ACTL6A: variants seen among roughly 807,000 people sequenced by gnomAD.
ACTL6A encodes actin like 6A.
ACTL6A carries 5 observed loss-of-function variants against 59.2 expected under a neutral mutation model. The ratio of observed to expected loss-of-function variants is 0.08; its 90% confidence interval spans 0.04 to 0.18. The LOEUF (loss-of-function observed/expected upper bound fraction) is 0.18, where lower values mean the gene tolerates loss of function less well. ACTL6A is among the 10% of genes least tolerant of loss of function. The pLI is 1.00. For missense variants in ACTL6A, 285 were observed against 526.9 expected (o/e 0.54, Z 4.49); for synonymous variants, 154 against 171.8 (o/e 0.90, Z 0.81).
rs918130227 is a variant in ACTL6A at position 179,562,945 on chromosome 3, G to C, written c.-148G>C. The C allele has an allele frequency of 3.0e-6, 3 of 984,162 alleles. No homozygotes were observed. In the African/African-American group the frequency reaches 4.8e-5, roughly 16 times the overall value. The allele number at this position is 984,162 out of a possible 1,614,324, so 61.0% of individuals were successfully genotyped here. On this transcript the variant is annotated 5_prime_UTR_variant, in exon 1 of 14. Transcript: ENST00000429709. Reference sequence around the variant, plus strand: ...GCCAGCAAGTGTGGCTGAGCTCCGGGGTGTGTGGACGCCGCTTTGTTGCCT... The same window carrying C: ...GCCAGCAAGTGTGGCTGAGCTCCGGCGTGTGTGGACGCCGCTTTGTTGCCT...
At position 179,586,309 on chromosome 3, in the gene ACTL6A, G is replaced by A. The variant is rs543717542; in HGVS notation, c.1123-237G>A. Among the ~76,000 whole-genome samples, 71 of 151,994 alleles carry A rather than the reference G, an allele frequency of 4.7e-4. 1 individual carries two copies. The South Asian group carries it at 0.014, about 30-fold the overall frequency. On this transcript the variant is annotated intron_variant, in intron 12 of 13. Coordinates refer to ENST00000429709, the MANE Select transcript of ACTL6A (RefSeq NM_004301.5). Reference sequence around the variant, plus strand: ...TTAATCAGTGTTTGAACCACAGGGAGCCATTATGAAGTCTGTCAAAATTGA... The same window carrying A: ...TTAATCAGTGTTTGAACCACAGGGAACCATTATGAAGTCTGTCAAAATTGA...
chr3:179,577,335 G>C (rs1718197670), intron 8 of ACTL6A, among the ~76,000 whole-genome samples: 1 of 152,118 alleles, frequency 6.6e-6, no homozygotes, highest in South Asian at 2.1e-4. Flanking sequence ...GCATCAGTCA[G>C]CAATATCAAA....
At chr3:179,580,803 T>G in intron 9 of ACTL6A, 91 bp from the exon 10 acceptor site, 1 of 1,422,706 alleles carries the variant, frequency 7.0e-7, no homozygotes, top group Non-Finnish European at 9.6e-7. Context: ...TCCCTTTTTT[T>G]TTTTTACAAG....
chr3:179,573,305 T>C, intron 3 of ACTL6A, 64 bp from the exon 4 acceptor site: 2 of 1,115,950 alleles, frequency 1.8e-6, no homozygotes, highest in Non-Finnish European at 2.6e-6. Context: ...AAACAATTTC[T>C]CAAAAGATGC....
intron 1 of ACTL6A, 103 bp from the exon 2 acceptor site, chr3:179,569,721 C>A: frequency 1.1e-6 from 1 of 943,514 alleles, no homozygotes; most frequent in South Asian, 1.4e-5. Flanking sequence ...AAGACTGAGG[C>A]GGGAGGATTG....
At chr3:179,580,605 C>G (rs780371389) in intron 8 of ACTL6A, 35 bp from the exon 9 acceptor site, 6 of 1,451,954 alleles carry the variant, frequency 4.1e-6, no homozygotes, top group South Asian at 2.5e-5. Context: ...AGATAAATCT[C>G]AACCTTGTTT....
At chr3:179,573,510 T>A in intron 4 of ACTL6A, 41 bp downstream of exon 4, 1 of 1,333,996 alleles carries the variant, frequency 7.5e-7, no homozygotes, top group Non-Finnish European at 9.8e-7. Context: ...TCTAGTTGTT[T>A]TTTTTTTTTC....
chr3:179,576,968 TA>T, intron 8 of ACTL6A, 55 bp downstream of exon 8: 3 of 1,435,272 alleles, frequency 2.1e-6, no homozygotes, highest in African/African-American at 1.4e-5. Context: ...GCATGAGTAT[TA>T]AAAAAAGTTA....
intron 11 of ACTL6A, 38 bp from the exon 12 acceptor site, chr3:179,583,313 CAT>C (rs762307822): frequency 6.7e-7 from 1 of 1,486,658 alleles, no homozygotes; most frequent in Non-Finnish European, 9.3e-7. Context: ...CTTTTGGAAA[CAT>C]ATGGAACTAA....
chr3:179,566,799 C>T (rs961351635), intron 1 of ACTL6A, among the ~76,000 whole-genome samples: 1 of 152,160 alleles, frequency 6.6e-6, no homozygotes, highest in African/African-American at 2.4e-5. Flanking sequence ...AAGCAATTCT[C>T]CTGCCTCGGC....
At chr3:179,571,722 T>C (rs749555349) in intron 3 of ACTL6A, among the ~76,000 whole-genome samples, 1 of 152,198 alleles carries the variant, frequency 6.6e-6, no homozygotes, top group Non-Finnish European at 1.5e-5. Context: ...ACTCTGAGGC[T>C]CAGTACCCAA....
intron 12 of ACTL6A, chr3:179,584,544 C>G (rs1718426498): frequency 6.6e-6 from 1 of 152,098 alleles, no homozygotes; most frequent in Non-Finnish European, 1.5e-5. Context: ...TTGCTTGAAC[C>G]CGGGAGGTGG....
intron 13 of ACTL6A, among the ~76,000 whole-genome samples, chr3:179,587,361 A>G (rs1718533194): frequency 6.6e-6 from 1 of 152,170 alleles, no homozygotes; most frequent in African/African-American, 2.4e-5. Flanking sequence ...GGTTGGCATC[A>G]AGCCATCACA....
chr3:179,587,005 G>T (rs913002574), intron 13 of ACTL6A, among the ~76,000 whole-genome samples: 6 of 152,152 alleles, frequency 3.9e-5, no homozygotes, highest in Admixed American at 3.3e-4. Flanking sequence ...CTACAGTGAG[G>T]TCTAGGAAGT....
intron 8 of ACTL6A, among the ~76,000 whole-genome samples, chr3:179,579,455 T>TACACACACACACACACACAC (rs10650822): frequency 2.2e-3 from 319 of 145,138 alleles, no homozygotes; most frequent in East Asian, 0.011. Context: ...TTATATCATA[T>TACACACACACACACACACAC]ACACACACAC....
At chr3:179,587,613 C>T (rs1718544323) in intron 13 of ACTL6A, among the ~76,000 whole-genome samples, 1 of 152,030 alleles carries the variant, frequency 6.6e-6, no homozygotes. Context: ...GTGGCTCACA[C>T]CTATAATTCC....
At chr3:179,573,530 T>C (rs1576852113) in intron 4 of ACTL6A, 61 bp downstream of exon 4, 19 of 929,264 alleles carry the variant, frequency 2.0e-5, no homozygotes, top group African/African-American at 3.9e-5. Context: ...CTTTTTTTTT[T>C]CCTTTAGTTT....
chr3:179,585,479 G>A (rs995002204), intron 12 of ACTL6A, among the ~76,000 whole-genome samples: 1 of 152,166 alleles, frequency 6.6e-6, no homozygotes, highest in Admixed American at 6.5e-5. Context: ...TGTGGTCAAG[G>A]CCAGTTAGAA....
At chr3:179,582,711 A>G (rs1409734629) in intron 11 of ACTL6A, among the ~76,000 whole-genome samples, 9 of 151,968 alleles carry the variant, frequency 5.9e-5, no homozygotes, top group Non-Finnish European at 1.0e-4. Flanking sequence ...ACTTACAGAT[A>G]AGCATTCTTT....
Sources: allele counts gnomAD v4.1 joint callset (sites outside exome capture counted in the v4.1 genomes callset), GRCh38; gene constraint gnomAD v4.1.1; transcripts MANE v1.5; gene names NCBI Gene and HGNC (gene_info 2026-07-23, HGNC 2026-07-21).